TMEM266: variants seen among roughly 807,000 people sequenced by gnomAD.
TMEM266 encodes the protein Hv1 related protein 1.
Under a neutral mutation model 50.5 loss-of-function variants are expected in TMEM266, and 33 were observed. That is an observed-to-expected ratio of 0.65 (90% CI 0.50 to 0.87). The LOEUF (loss-of-function observed/expected upper bound fraction) is 0.87, where lower values mean the gene tolerates loss of function less well. Ranked by LOEUF, TMEM266 falls within the 40% of genes least tolerant of loss-of-function variation. The pLI, the probability that TMEM266 is intolerant of heterozygous loss-of-function variation, is 0.00. For missense variants in TMEM266, 655 were observed against 695.1 expected, an observed-to-expected ratio of 0.94 and a Z score of 0.65; for synonymous variants, 310 against 292.3, an observed-to-expected ratio of 1.06 and a Z score of -0.62.
At chr15:76,134,397 A>G in intron 2 of TMEM266, 96 bp downstream of exon 2, 1 of 1,350,372 alleles carries the variant, frequency 7.4e-7, no homozygotes, top group Non-Finnish European at 1.0e-6. Context: ...CACTATGTAC[A>G]TTTCCTTTAG....
At chr15:76,173,932 CA>C (rs888223015) in intron 7 of TMEM266, among the ~76,000 whole-genome samples, 8 of 125,462 alleles carry the variant, frequency 6.4e-5, no homozygotes, top group African/African-American at 2.2e-4. Flanking sequence ...GACTCGGTCT[CA>C]AAAAAAAATA....
chr15:76,104,995 G>A (rs1291758287), intron 1 of TMEM266, among the ~76,000 whole-genome samples: 3 of 152,116 alleles, frequency 2.0e-5, no homozygotes, highest in Admixed American at 6.5e-5. Flanking sequence ...TGAGGCGGGT[G>A]GATCACGAGG....
At chr15:76,069,157 T>C (rs1026980759) in intron 1 of TMEM266, among the ~76,000 whole-genome samples, 1 of 152,174 alleles carries the variant, frequency 6.6e-6, no homozygotes, top group Admixed American at 6.5e-5. Context: ...TACGAACATG[T>C]CATACTGAAC....
chr15:76,060,736 C>T (rs1297241038), intron 1 of TMEM266, among the ~76,000 whole-genome samples: 1 of 152,160 alleles, frequency 6.6e-6, no homozygotes, highest in Non-Finnish European at 1.5e-5. Flanking sequence ...AAACTCATTA[C>T]GGTTTTGCAT....
chr15:76,079,635 A>C (rs1171701025), intron 1 of TMEM266, among the ~76,000 whole-genome samples: 1 of 150,260 alleles, frequency 6.7e-6, no homozygotes, highest in Non-Finnish European at 1.5e-5. Flanking sequence ...TAAAAATACA[A>C]AAATTAGCCA....
At chr15:76,187,742 C>T (rs569448122) in intron 8 of TMEM266, among the ~76,000 whole-genome samples, 39 of 152,304 alleles carry the variant, frequency 2.6e-4, no homozygotes, top group African/African-American at 9.4e-4. Flanking sequence ...CATTGCATAG[C>T]CAGCATGAGG....
intron 1 of TMEM266, among the ~76,000 whole-genome samples, chr15:76,131,141 C>A (rs1240236961): frequency 2.0e-5 from 3 of 152,164 alleles, no homozygotes; most frequent in Non-Finnish European, 4.4e-5. Context: ...CTTTGTGAGG[C>A]TGAGGTGGGT....
intron 1 of TMEM266, among the ~76,000 whole-genome samples, chr15:76,064,831 C>T (rs969372473): frequency 6.6e-6 from 1 of 152,186 alleles, no homozygotes; most frequent in African/African-American, 2.4e-5. Context: ...ACTGTCAAGC[C>T]GTAATGCATG....
At chr15:76,071,064 G>A (rs181742656) in intron 1 of TMEM266, among the ~76,000 whole-genome samples, 10 of 152,230 alleles carry the variant, frequency 6.6e-5, no homozygotes, top group East Asian at 3.9e-4. Flanking sequence ...GCTCCTTGAC[G>A]TTCTATATGA....
At chr15:76,195,474 T>C (rs1056162543) in intron 9 of TMEM266, among the ~76,000 whole-genome samples, 2 of 152,226 alleles carry the variant, frequency 1.3e-5, no homozygotes, top group East Asian at 3.9e-4. Flanking sequence ...GAATCCACCT[T>C]CTTATTCTTT....
chr15:76,152,636 A>C (rs753291436), intron 3 of TMEM266, among the ~76,000 whole-genome samples: 1 of 152,182 alleles, frequency 6.6e-6, no homozygotes, highest in South Asian at 2.1e-4. Flanking sequence ...TATTTAGTGT[A>C]CATTTCAACC....
intron 3 of TMEM266, among the ~76,000 whole-genome samples, chr15:76,144,519 C>T (rs2037728431): frequency 6.6e-6 from 1 of 152,220 alleles, no homozygotes; most frequent in African/African-American, 2.4e-5. Flanking sequence ...GTGTGGGCTC[C>T]ATGCAGAGTG....
chr15:76,171,294 C>A (rs2038184876), intron 7 of TMEM266, among the ~76,000 whole-genome samples, 163 bp downstream of exon 7: 1 of 152,192 alleles, frequency 6.6e-6, no homozygotes, highest in Non-Finnish European at 1.5e-5. Flanking sequence ...CACTCGCCAT[C>A]ACGCGTTCAT....
chr15:76,188,341 G>A (rs1285747540), intron 8 of TMEM266, among the ~76,000 whole-genome samples: 1 of 152,138 alleles, frequency 6.6e-6, no homozygotes, highest in East Asian at 1.9e-4. Flanking sequence ...AAGCAAAAGG[G>A]GGAAAAGCCC....
At chr15:76,128,000 G>GT (rs1218911887) in intron 1 of TMEM266, among the ~76,000 whole-genome samples, 6 of 152,160 alleles carry the variant, frequency 3.9e-5, no homozygotes, top group African/African-American at 1.4e-4. Flanking sequence ...ACATGAGAAC[G>GT]TTTGAGAACC....
intron 8 of TMEM266, among the ~76,000 whole-genome samples, chr15:76,187,380 C>T (rs1265041740): frequency 6.6e-6 from 1 of 152,216 alleles, no homozygotes; most frequent in Non-Finnish European, 1.5e-5. Flanking sequence ...AGCTGGCCTG[C>T]AGGCCTCGAT....
chr15:76,138,122 T>C (rs1347808697), intron 3 of TMEM266, among the ~76,000 whole-genome samples: 1 of 148,328 alleles, frequency 6.7e-6, no homozygotes, highest in East Asian at 2.0e-4. Context: ...TTCAGGAGGC[T>C]GAGGCAGGAG....
intron 1 of TMEM266, among the ~76,000 whole-genome samples, chr15:76,095,920 C>A (rs770567547): frequency 1.3e-5 from 2 of 152,032 alleles, no homozygotes; most frequent in Non-Finnish European, 2.9e-5. Context: ...TTATAGTATT[C>A]TCTGATGGTG....
intron 1 of TMEM266, among the ~76,000 whole-genome samples, chr15:76,105,249 A>G (rs1049596362): frequency 6.6e-6 from 1 of 152,100 alleles, no homozygotes; most frequent in Non-Finnish European, 1.5e-5. Flanking sequence ...CCATCTCAAA[A>G]AAAAAGTAAA....
Sources: allele counts gnomAD v4.1 joint callset (sites outside exome capture counted in the v4.1 genomes callset), GRCh38; gene constraint gnomAD v4.1.1; transcripts MANE v1.5; gene names NCBI Gene and HGNC (gene_info 2026-07-23, HGNC 2026-07-21).